NPIPA8: variants seen among roughly 807,000 people sequenced by gnomAD.
The protein encoded by NPIPA8 is nuclear pore complex interacting protein family member A8, also known as nuclear pore complex-interacting protein family member A8.
A neutral mutation model predicts 7.1 loss-of-function variants in NPIPA8; 1 was observed. That is an observed-to-expected ratio of 0.14 (90% CI 0.05 to 0.66). The LOEUF is 0.66. Ranked by LOEUF, NPIPA8 falls within the 30% of genes least tolerant of loss-of-function variation. The pLI is 0.84.
chr16:18,335,568 G>C (rs1416101300), upstream of NPIPA8, among the ~76,000 whole-genome samples: 6 of 110,686 alleles, frequency 5.4e-5, no homozygotes, highest in Admixed American at 4.0e-4. Context: ...CACGGACTCG[G>C]GAGCAACCCC....
upstream of NPIPA8, among the ~76,000 whole-genome samples, chr16:18,335,907 G>A (rs1220116854): frequency 3.1e-3 from 452 of 144,266 alleles, 1 homozygote; most frequent in Non-Finnish European, 5.2e-3. Context: ...TGCAAGCTCC[G>A]CCTCCTGGGT....
upstream of NPIPA8, among the ~76,000 whole-genome samples, chr16:18,336,121 C>T (rs1900176149): frequency 7.0e-6 from 1 of 142,658 alleles, no homozygotes; most frequent in Non-Finnish European, 1.5e-5. Context: ...CGTGCCTGGC[C>T]CTTTTTAATG....
At chr16:18,323,819 GAA>G (rs1162097124) in intron 4 of NPIPA8, among the ~76,000 whole-genome samples, 388 of 33,044 alleles carry the variant, frequency 0.012, 1 homozygote, top group Middle Eastern at 0.05. Context: ...CCCATCTCAG[GAA>G]AAAAAAAAAA....
intron 2 of NPIPA8, among the ~76,000 whole-genome samples, chr16:18,324,914 A>C (rs28667281): frequency 0.024 from 1,915 of 78,250 alleles, 141 homozygotes; most frequent in African/African-American, 0.1. Context: ...GCAGGCGGAT[A>C]ACCTGAGGTC....
chr16:18,335,890 G>A (rs1358546015), upstream of NPIPA8, among the ~76,000 whole-genome samples: 1,746 of 139,352 alleles, frequency 0.013, 2 homozygotes, highest in Non-Finnish European at 0.019. Context: ...GCGCAATCTC[G>A]GCTCACTGCA....
chr16:18,324,862 G>T (rs371504692), intron 2 of NPIPA8, among the ~76,000 whole-genome samples: 6 of 83,320 alleles, frequency 7.2e-5, no homozygotes, highest in South Asian at 3.6e-4. Flanking sequence ...GAGGCTGGCA[G>T]GGTGGCTCAC....
Position 18,323,847 on chromosome 16 carries a change from A to AAAAAAAAG in NPIPA8, c.437+243_437+244insCTTTTTTT, listed in dbSNP as rs750129798. Among the ~76,000 whole-genome samples the AAAAAAAAG allele has an allele frequency of 2.3e-3, 213 of 91,568 alleles. 9 individuals carry two copies. The highest frequency in any genetic ancestry group is 6.0e-3 in the East Asian group (17 of 2,844). The allele number at this position is 91,568 out of a possible 152,430, so 60.1% of individuals were successfully genotyped here. On this transcript the variant is annotated intron_variant, in intron 4 of 7. Coordinates refer to ENST00000541810, the Ensembl canonical transcript of NPIPA8. ...AAAAAAAAAAAAAAAAAAAAAAAAA[A>AAAAAAAAG]AGAGAAAGGAAAACCAATGCCAGTA...
At position 18,323,318 on chromosome 16, in the gene NPIPA8, G is replaced by C. The variant is rs1170193912; in HGVS notation, c.437+773C>G. On this transcript the variant is annotated intron_variant, in intron 4 of 7. Coordinates refer to ENST00000541810, the Ensembl canonical transcript of NPIPA8. ...AGATCATGCCACCGCACTCTAGCCT[G>C]GGTGACAGAGTGAGACTCCGTCTCA... 5.5e-4 allele frequency among the ~76,000 whole-genome samples: 4 copies of C among 7,236 alleles called. No homozygotes were observed. The African/African-American group carries it at 6.0e-3, about 11-fold the overall frequency. 4.7% of individuals were successfully genotyped at this position (7,236 alleles called of 152,430 possible). A position where few individuals can be genotyped will look rare whatever the true frequency, so the allele number is the denominator to read the frequency against.
chr16:18,336,097 C>T (rs1244286053), upstream of NPIPA8, among the ~76,000 whole-genome samples: 1 of 148,704 alleles, frequency 6.7e-6, no homozygotes, highest in Non-Finnish European at 1.5e-5. Context: ...GTTGGGATTA[C>T]AGGCGTGAGC....
chr16:18,323,783 T>G (rs1900048319), intron 4 of NPIPA8, among the ~76,000 whole-genome samples: 1 of 94,920 alleles, frequency 1.1e-5, no homozygotes, highest in Non-Finnish European at 2.1e-5. Context: ...GCCATTGAAC[T>G]GCAGCCTGGG....
intron 4 of NPIPA8, among the ~76,000 whole-genome samples, chr16:18,323,825 A>G (rs1490470043): frequency 3.2e-5 from 2 of 61,810 alleles, no homozygotes; most frequent in African/African-American, 1.4e-4. Context: ...TCAGGAAAAA[A>G]AAAAAAAAAA....
upstream of NPIPA8, among the ~76,000 whole-genome samples, chr16:18,335,199 ATT>A (rs1187630024): frequency 3.6e-4 from 5 of 13,746 alleles, no homozygotes; most frequent in African/African-American, 5.0e-4. Context: ...TTTGAATTTC[ATT>A]TTTTTTTTTT....
intron 4 of NPIPA8, among the ~76,000 whole-genome samples, chr16:18,323,819 GAAAAAAAAAAAAAAA>G (rs1162097124): frequency 4.2e-4 from 14 of 33,170 alleles, no homozygotes; most frequent in South Asian, 1.8e-3. Context: ...CCCATCTCAG[GAAAAAAAAAAAAAAA>G]AAAAAAAAAA....
At chr16:18,324,800 TCACACACA>T (rs529158643) in intron 2 of NPIPA8, among the ~76,000 whole-genome samples, 9 of 58,534 alleles carry the variant, frequency 1.5e-4, no homozygotes, top group African/African-American at 6.1e-4. Context: ...TGAGACTCTG[TCACACACA>T]CACACACACA....
At chr16:18,323,670 CA>C (rs1434502173) in intron 4 of NPIPA8, among the ~76,000 whole-genome samples, 1 of 105,098 alleles carries the variant, frequency 9.5e-6, no homozygotes, top group African/African-American at 3.1e-5. Context: ...AGTAAAAATA[CA>C]AAAATTAGCT....
chr16:18,335,223 AG>A (rs1179187345), upstream of NPIPA8, among the ~76,000 whole-genome samples: 1 of 24,672 alleles, frequency 4.1e-5, no homozygotes, highest in African/African-American at 2.8e-4. Flanking sequence ...TTTAAGATGG[AG>A]TCTCGCTCTG....
Position 18,324,996 on chromosome 16 carries a change from T to A in NPIPA8, c.193-498A>T, listed in dbSNP as rs1285819904. ...CTAAAAATTCAAAATTAGCCAGGCA[T>A]GGTGGTGCATGCCTGTAATCCCAGC... On this transcript the variant is annotated intron_variant, in intron 2 of 7. Coordinates refer to ENST00000541810, the Ensembl canonical transcript of NPIPA8. Among the ~76,000 whole-genome samples the A allele has an allele frequency of 2.4e-3, 169 of 71,348 alleles. 34 individuals are homozygous for A. The highest frequency in any genetic ancestry group is 6.0e-4 in the Admixed American group (4 of 6,702). 46.8% of individuals were successfully genotyped at this position (71,348 alleles called of 152,430 possible). A position where few individuals can be genotyped will look rare whatever the true frequency, so the allele number is the denominator to read the frequency against.
At chr16:18,323,839 AAAAAAAAAAG>A in intron 4 of NPIPA8, among the ~76,000 whole-genome samples, 1 of 129,844 alleles carries the variant, frequency 7.7e-6, no homozygotes, top group Non-Finnish European at 1.7e-5. Context: ...AAAAAAAAAA[AAAAAAAAAAG>A]AGAAAGGAAA....
At chr16:18,336,101 C>A (rs1170685966), upstream of NPIPA8, among the ~76,000 whole-genome samples, 1 of 148,014 alleles carries the variant, frequency 6.8e-6, no homozygotes, top group African/African-American at 2.5e-5. Flanking sequence ...GGATTACAGG[C>A]GTGAGCCACC....
Sources: gnomAD v4.1 joint callset for allele counts (sites outside exome capture counted in the v4.1 genomes callset) on GRCh38, gnomAD v4.1.1 for gene constraint, MANE v1.5 for transcripts, NCBI Gene and HGNC (gene_info 2026-07-23, HGNC 2026-07-21) for gene names.